The following GRIA1 variants were observed in gnomAD, a reference collection of about 807,000 sequenced individuals.
GRIA1 encodes glutamate receptor 1.
GRIA1 carries 31 observed loss-of-function variants against 99.2 expected under a neutral mutation model. The ratio of observed to expected loss-of-function variants is 0.31; its 90% CI spans 0.23 to 0.42. The LOEUF is 0.42. Ranked by LOEUF, GRIA1 falls within the 10% of genes least tolerant of loss-of-function variation. The probability of loss-of-function intolerance (pLI) is 1.00; values close to 1 mark genes in which losing one functional copy is unlikely to be tolerated. For synonymous variants in GRIA1, 438 were observed against 432.4 expected, an observed-to-expected ratio of 1.01 and a Z score of -0.16; for missense variants, 782 against 1,157.5, an observed-to-expected ratio of 0.68 and a Z score of 4.71.
At position 153,576,802 on chromosome 5, in the gene GRIA1, C is replaced by T. The variant is rs532157139; in HGVS notation, c.221-70126C>T. Among the ~76,000 whole-genome samples, 3 of 152,272 alleles carry T rather than the reference C, an allele frequency of 2.0e-5. No individual in the cohort carries two copies. In the South Asian group the frequency reaches 6.2e-4, roughly 32 times the overall value. ...TTTACAGTGTGTGAAGGTTTTATTG[C>T]CACTGTTGGCCCTCTCAGTGAGCTG... On this transcript the variant is annotated intron_variant, in intron 2 of 15. Transcript: ENST00000285900.
At chr5:153,611,241 A>G (rs1036399747) in intron 2 of GRIA1, among the ~76,000 whole-genome samples, 2 of 152,198 alleles carry the variant, frequency 1.3e-5, no homozygotes, top group Non-Finnish European at 2.9e-5. Context: ...TTAAATATTC[A>G]TAAATTTTGC....
At chr5:153,599,375 T>C (rs778827) in intron 2 of GRIA1, among the ~76,000 whole-genome samples, 75,465 of 152,078 alleles carry the variant, frequency 0.5, 22,540 homozygotes, top group East Asian at 0.8. Context: ...GATCACAATC[T>C]TGCTGATGGC....
chr5:153,794,548 T>A, intron 13 of GRIA1, 73 bp from the exon 14 acceptor site: 1 of 1,004,210 alleles, frequency 1.0e-6, no homozygotes, highest in Non-Finnish European at 1.6e-6. Flanking sequence ...GATTCACCGA[T>A]CCCTTGGGTC....
intron 2 of GRIA1, among the ~76,000 whole-genome samples, chr5:153,626,269 A>C (rs1197511979): frequency 6.6e-6 from 1 of 152,210 alleles, no homozygotes; most frequent in Non-Finnish European, 1.5e-5. Context: ...GAGAGGAGGT[A>C]AAGTGTGGGA....
chr5:153,642,417 T>G (rs1753836700), intron 2 of GRIA1, among the ~76,000 whole-genome samples: 1 of 152,114 alleles, frequency 6.6e-6, no homozygotes, highest in Non-Finnish European at 1.5e-5. Context: ...GTATCAGCTC[T>G]TAATTATTAC....
In GRIA1 at chr5:153,811,949, A is replaced by T. The variant is rs886120323; in HGVS notation, c.*724A>T. 1 of 152,500 alleles carries T rather than the reference A, an allele frequency of 6.6e-6. No homozygotes were observed. Among genetic ancestry groups the T allele is most frequent in the African/African-American group, 2.4e-5 (1 of 41,462 alleles). The allele number at this position is 152,500 out of a possible 1,614,324, so 9.4% of individuals were successfully genotyped here. A position where few individuals can be genotyped will look rare whatever the true frequency, so the allele number is the denominator to read the frequency against. ...GTGGAGAGGGCAGGGGCAGATGTGC[A>T]GTCAGAGAAGGACTCCTGAAGTTAC... On this transcript the variant is annotated 3_prime_UTR_variant, in exon 16 of 16. Transcript: ENST00000285900.
At chr5:153,700,931 T>C (rs1461175279) in intron 10 of GRIA1, among the ~76,000 whole-genome samples, 1 of 152,182 alleles carries the variant, frequency 6.6e-6, no homozygotes. Context: ...TGGGATGTGC[T>C]TCTCTCCTTT....
chr5:153,506,877 C>T (rs953133509), intron 2 of GRIA1, among the ~76,000 whole-genome samples: 2 of 152,132 alleles, frequency 1.3e-5, no homozygotes, highest in Admixed American at 6.5e-5. Flanking sequence ...AATCCCAGCA[C>T]TTTGGGAGGC....
chr5:153,638,062 G>A (rs916302319), intron 2 of GRIA1, among the ~76,000 whole-genome samples: 2 of 152,194 alleles, frequency 1.3e-5, no homozygotes, highest in African/African-American at 4.8e-5. Flanking sequence ...ATGAAAGAAA[G>A]ATGGGTCAAC....
chr5:153,685,256 C>T (rs1263144940), intron 7 of GRIA1, among the ~76,000 whole-genome samples: 1 of 152,206 alleles, frequency 6.6e-6, no homozygotes, highest in Non-Finnish European at 1.5e-5. Flanking sequence ...TGATGATACA[C>T]AGCTAGACTC....
At chr5:153,593,891 G>C (rs548940095) in intron 2 of GRIA1, among the ~76,000 whole-genome samples, 214 of 152,142 alleles carry the variant, frequency 1.4e-3, no homozygotes, top group Non-Finnish European at 2.6e-3. Flanking sequence ...GCATTTTCCC[G>C]TAGTTTCTTA....
chr5:153,793,598 T>C (rs530239976), intron 13 of GRIA1, among the ~76,000 whole-genome samples: 1 of 152,228 alleles, frequency 6.6e-6, no homozygotes, highest in African/African-American at 2.4e-5. Flanking sequence ...CTGTGGCTCA[T>C]GCACCAATGG....
At chr5:153,578,688 C>T (rs1293331803) in intron 2 of GRIA1, among the ~76,000 whole-genome samples, 1 of 152,192 alleles carries the variant, frequency 6.6e-6, no homozygotes, top group Admixed American at 6.5e-5. Context: ...GCGGGTGGAT[C>T]ACGAGGTCAG....
chr5:153,526,736 G>C (rs1240539807), intron 2 of GRIA1, among the ~76,000 whole-genome samples: 1 of 152,118 alleles, frequency 6.6e-6, no homozygotes, highest in African/African-American at 2.4e-5. Context: ...TATTTGCCCG[G>C]GATCACACTG....
At chr5:153,794,592 C>T (rs1232958692) in intron 13 of GRIA1, 29 bp from the exon 14 acceptor site, 2 of 1,397,372 alleles carry the variant, frequency 1.4e-6, no homozygotes, top group Non-Finnish European at 2.0e-6. Flanking sequence ...ACCTGTTACT[C>T]ATCGAGTGTT....
intron 2 of GRIA1, among the ~76,000 whole-genome samples, chr5:153,595,898 T>A (rs977498604): frequency 7.9e-5 from 12 of 151,994 alleles, no homozygotes; most frequent in Non-Finnish European, 1.5e-4. Context: ...TTTGGCTAAC[T>A]TAGTGCTTTT....
intron 11 of GRIA1, among the ~76,000 whole-genome samples, chr5:153,743,505 A>AT (rs1761956055): frequency 1.3e-5 from 2 of 151,904 alleles, no homozygotes; most frequent in Admixed American, 6.6e-5. Context: ...TGAAATCCCC[A>AT]TTTTCTTGCT....
At chr5:153,792,950 T>C (rs1257941999) in intron 13 of GRIA1, among the ~76,000 whole-genome samples, 2 of 152,174 alleles carry the variant, frequency 1.3e-5, no homozygotes, top group Non-Finnish European at 2.9e-5. Flanking sequence ...TGAACTCCTT[T>C]TCAGACAGCA....
rs1190950852 is a variant in GRIA1 at position 153,506,894 on chromosome 5, G to A, written c.220+12829G>A. ...TCCCAGCACTTTGGGAGGCCAAGGC[G>A]GGCAGATCACTTGAGGCCAGGAGTT... is the stretch of plus-strand genomic sequence containing the variant. On this transcript the variant is annotated intron_variant, in intron 2 of 15. Coordinates refer to ENST00000285900, the MANE Select transcript of GRIA1 (RefSeq NM_000827.4). Among the ~76,000 whole-genome samples the A allele has an allele frequency of 3.9e-5, 6 of 152,110 alleles. No individual in the cohort carries two copies. In the East Asian group the frequency reaches 9.7e-4, roughly 25 times the overall value.
Sources: allele counts gnomAD v4.1 joint callset (sites outside exome capture counted in the v4.1 genomes callset), GRCh38; gene constraint gnomAD v4.1.1; transcripts MANE v1.5; gene names NCBI Gene and HGNC (gene_info 2026-07-23, HGNC 2026-07-21).